The following CDH13 variants were observed in gnomAD, a reference collection of about 807,000 sequenced individuals.
The protein encoded by CDH13 is cadherin-13.
A neutral mutation model predicts 63.8 loss-of-function variants in CDH13; 24 were observed. The ratio of observed to expected loss-of-function variants is 0.38; its 90% CI spans 0.27 to 0.53. The LOEUF (loss-of-function observed/expected upper bound fraction) is 0.53. Among genes scored for constraint, CDH13 ranks in the 20% least tolerant of loss-of-function variants. The probability of loss-of-function intolerance (pLI) is 0.85; values close to 1 mark genes in which losing one functional copy is unlikely to be tolerated. For synonymous variants in CDH13, 503 were observed against 355.3 expected, an observed-to-expected ratio of 1.42 and a Z score of -4.67; for missense variants, 1,049 against 903.1, an observed-to-expected ratio of 1.16 and a Z score of -2.07.
At chr16:83,717,814 G>A (rs550946022) in intron 10 of CDH13, 7 of 152,312 alleles carry the variant, frequency 4.6e-5, no homozygotes, top group East Asian at 3.9e-4. Flanking sequence ...TACCGTGCAC[G>A]TTCTGCAGGA....
intron 6 of CDH13, among the ~76,000 whole-genome samples, chr16:83,364,340 C>G (rs1159504067): frequency 6.6e-6 from 1 of 152,236 alleles, no homozygotes; most frequent in Admixed American, 6.5e-5. Context: ...AAGTGCCTGG[C>G]TTTGATGTAA....
intron 8 of CDH13, among the ~76,000 whole-genome samples, chr16:83,665,359 A>T (rs1292255907): frequency 1.3e-5 from 2 of 152,354 alleles, no homozygotes; most frequent in East Asian, 3.9e-4. Flanking sequence ...GCTAACAAAT[A>T]CTGACTCCTT....
At chr16:83,456,999 G>A (rs2073041377) in intron 6 of CDH13, among the ~76,000 whole-genome samples, 1 of 152,144 alleles carries the variant, frequency 6.6e-6, no homozygotes, top group Non-Finnish European at 1.5e-5. Context: ...GCATGTCCCT[G>A]ATGGAGCTGA....
intron 1 of CDH13, among the ~76,000 whole-genome samples, chr16:82,765,016 A>G (rs1355863911): frequency 6.6e-6 from 1 of 152,048 alleles, no homozygotes; most frequent in Non-Finnish European, 1.5e-5. Context: ...GGGTTTCACC[A>G]TGTTGGCCAG....
At chr16:83,212,137 G>A (rs975837166) in intron 4 of CDH13, among the ~76,000 whole-genome samples, 1 of 152,168 alleles carries the variant, frequency 6.6e-6, no homozygotes, top group East Asian at 1.9e-4. Flanking sequence ...TGCTGCAGCT[G>A]TGGAGTTCCC....
intron 2 of CDH13, among the ~76,000 whole-genome samples, chr16:82,992,338 C>A (rs953675233): frequency 6.6e-6 from 1 of 152,238 alleles, no homozygotes; most frequent in East Asian, 1.9e-4. Context: ...TTTTAAAAGT[C>A]AATTTTCAAG....
intron 2 of CDH13, among the ~76,000 whole-genome samples, chr16:83,014,993 T>A (rs1253742840): frequency 2.7e-5 from 4 of 150,340 alleles, no homozygotes; most frequent in Non-Finnish European, 5.9e-5. Flanking sequence ...AGCAGATAGA[T>A]CCATACTAAG....
At chr16:83,453,128 C>T (rs769174672) in intron 6 of CDH13, among the ~76,000 whole-genome samples, 5 of 152,134 alleles carry the variant, frequency 3.3e-5, no homozygotes, top group Non-Finnish European at 5.9e-5. Context: ...GAATGGAAAA[C>T]CAAACATTGT....
chr16:83,572,605 C>A (rs1373233944), intron 7 of CDH13, among the ~76,000 whole-genome samples: 1 of 152,166 alleles, frequency 6.6e-6, no homozygotes, highest in African/African-American at 2.4e-5. Flanking sequence ...AATCCCTGAT[C>A]CATTGAATTG....
chr16:82,747,137 ATGT>A (rs1378645538), intron 1 of CDH13, among the ~76,000 whole-genome samples: 8 of 152,182 alleles, frequency 5.3e-5, no homozygotes, highest in African/African-American at 2.4e-5. Flanking sequence ...TCAGAATGAA[ATGT>A]TGTTGTACCA....
At chr16:83,191,458 A>AATAT (rs57044100) in intron 4 of CDH13, among the ~76,000 whole-genome samples, 2,749 of 80,338 alleles carry the variant, frequency 0.034, 49 homozygotes, top group Middle Eastern at 0.06. Context: ...ACTAATAGGA[A>AATAT]ATATATATAT....
At chr16:83,027,251 T>C (rs570325857) in intron 2 of CDH13, among the ~76,000 whole-genome samples, 1 of 152,142 alleles carries the variant, frequency 6.6e-6, no homozygotes, top group Admixed American at 6.5e-5. Flanking sequence ...TAAAGATGAA[T>C]GAAAGAACAA....
intron 1 of CDH13, among the ~76,000 whole-genome samples, chr16:82,836,205 G>A (rs994172559): frequency 6.6e-6 from 1 of 152,148 alleles, no homozygotes; most frequent in African/African-American, 2.4e-5. Context: ...CTGGAGTGCA[G>A]TGGCGCGATC....
intron 2 of CDH13, among the ~76,000 whole-genome samples, chr16:82,890,101 C>G (rs1308998287): frequency 6.6e-6 from 1 of 152,240 alleles, no homozygotes. Context: ...AGTCTCCCAG[C>G]CTTCGTGATT....
intron 6 of CDH13, among the ~76,000 whole-genome samples, chr16:83,482,773 TGTG>T (rs1325074290): frequency 6.6e-6 from 1 of 152,194 alleles, no homozygotes; most frequent in Non-Finnish European, 1.5e-5. Context: ...TGTGTGTTGT[TGTG>T]ATATCCACAG....
intron 2 of CDH13, among the ~76,000 whole-genome samples, chr16:82,914,351 C>T (rs2041920600): frequency 6.6e-6 from 1 of 152,174 alleles, no homozygotes; most frequent in African/African-American, 2.4e-5. Context: ...CAAGGAGACA[C>T]TCTTATTATC....
intron 2 of CDH13, among the ~76,000 whole-genome samples, chr16:83,012,203 C>G (rs558483417): frequency 6.6e-6 from 1 of 151,518 alleles, no homozygotes; most frequent in Non-Finnish European, 1.5e-5. Flanking sequence ...TTTCTGAGTT[C>G]TTTGGATTTT....
At chr16:83,001,536 C>T in intron 2 of CDH13, among the ~76,000 whole-genome samples, 1 of 152,216 alleles carries the variant, frequency 6.6e-6, no homozygotes, top group Non-Finnish European at 1.5e-5. Context: ...GGAGCTGCCA[C>T]TTTCATTTTA....
intron 8 of CDH13, among the ~76,000 whole-genome samples, chr16:83,660,703 G>A (rs1012557114): frequency 2.6e-5 from 4 of 152,188 alleles, no homozygotes; most frequent in Non-Finnish European, 4.4e-5. Context: ...AGCAGACTAT[G>A]TTATTGTTTC....
Sources: gnomAD v4.1 joint callset for allele counts (sites outside exome capture counted in the v4.1 genomes callset) on GRCh38, gnomAD v4.1.1 for gene constraint, MANE v1.5 for transcripts, NCBI Gene and HGNC (gene_info 2026-07-23, HGNC 2026-07-21) for gene names.